Variants in BRCA1 observed in about 807,000 individuals in gnomAD.
The protein encoded by BRCA1 is breast cancer type 1 susceptibility protein.
In BRCA1, 140 loss-of-function variants were observed where a neutral mutation model predicts 173.7. The observed-to-expected ratio is 0.81, with a 90% CI of 0.70 to 0.93. BRCA1 has a LOEUF of 0.93. BRCA1 is among the 40% of genes least tolerant of loss of function. The probability of loss-of-function intolerance (pLI) is 0.00; values close to 1 mark genes in which losing one functional copy is unlikely to be tolerated. For missense variants in BRCA1, 1,983 were observed against 2,172.5 expected, an observed-to-expected ratio of 0.91 and a Z score of 1.73; for synonymous variants, 662 against 756.0, an observed-to-expected ratio of 0.88 and a Z score of 2.04.
Position 43,074,373 on chromosome 17 carries a change from G to A in BRCA1, c.4633C>T (p.His1545Tyr), listed in dbSNP as rs2153996148. Residue 1545 changes from histidine to tyrosine, a missense_variant, in exon 14 of 23, where the codon CAC becomes TAC. By Grantham distance (83) the His-to-Tyr change is moderately conservative. Transcript: ENST00000357654. ...EEQQLEESGP[H>Y]DLTETSYLPR... is the part of the protein sequence containing the mutation. ...AAGTAAGATGTTTCCGTCAAATCGT[G>A]TGGCCCAGACTCTTCCAGCTGTTGC... 6.2e-7 allele frequency: 1 copy of A among 1,614,114 alleles called. No homozygotes were observed. Among genetic ancestry groups the A allele is most frequent in the Non-Finnish European group, 8.5e-7 (1 of 1,179,996 alleles).
rs587780800 is a variant in BRCA1 at position 43,104,225 on chromosome 17, T to C, written c.338A>G (p.Asn113Ser). Reference sequence around the variant, plus strand: ...TTCATCTTTTAGATGTTCAGGAGAGTTATTTTCCTTTTTTGCAAAATTATA... The same window carrying C: ...TTCATCTTTTAGATGTTCAGGAGAGCTATTTTCCTTTTTTGCAAAATTATA... ...NSYNFAKKEN[N>S]SPEHLKDEVS... is the part of the protein sequence containing the mutation. Residue 113 changes from asparagine (N) to serine (S), a missense_variant, in exon 6 of 23, where the codon AAC (asparagine) becomes AGC (serine). Transcript: ENST00000357654. 2 of 1,612,856 alleles carry C rather than the reference T, an allele frequency of 1.2e-6. No individual in the cohort carries two copies. The highest frequency in any genetic ancestry group is 2.2e-5 in the South Asian group (2 of 90,982).
At chr17:43,162,150 C>A in intron 1 of BRCA1, 1 of 152,110 alleles carries the variant, frequency 6.6e-6, no homozygotes, top group Non-Finnish European at 1.5e-5. Context: ...CCATTTTTTT[C>A]CTTTCTGAAG....
At chr17:43,091,309 T>G (rs752171726) in intron 10 of BRCA1, 126 bp downstream of exon 10, 2 of 1,270,378 alleles carry the variant, frequency 1.6e-6, no homozygotes, top group Admixed American at 3.8e-5. Flanking sequence ...GGAACATGTT[T>G]CAAGTTTAAG....
At chr17:43,126,842 AGAGGCGGGTGTGGGAACTGGGGCT>A, upstream of BRCA1, among the ~76,000 whole-genome samples, 1 of 152,050 alleles carries the variant, frequency 6.6e-6, no homozygotes, top group Non-Finnish European at 1.5e-5. Flanking sequence ...GTGTGGAGGG[AGAGGCGGGTGTGGGAACTGGGGCT>A]GCGCGCAGCG....
At chr17:43,147,990 A>G (rs1160866276) in intron 1 of BRCA1, among the ~76,000 whole-genome samples, 1 of 152,174 alleles carries the variant, frequency 6.6e-6, no homozygotes, top group Non-Finnish European at 1.5e-5. Flanking sequence ...AGTTCCATCC[A>G]TTTCAGCTTT....
chr17:43,077,731 T>A (rs1262211772), intron 12 of BRCA1, among the ~76,000 whole-genome samples: 1 of 141,390 alleles, frequency 7.1e-6, no homozygotes, highest in Admixed American at 7.4e-5. Flanking sequence ...ATTTATTTAT[T>A]TTTATTTATT....
At chr17:43,095,090 C>G (rs11658946) in intron 9 of BRCA1, among the ~76,000 whole-genome samples, 1 of 137,354 alleles carries the variant, frequency 7.3e-6, no homozygotes, top group Non-Finnish European at 1.6e-5. Flanking sequence ...AGAATTTTCC[C>G]TATGCAGAAA....
intron 2 of BRCA1, among the ~76,000 whole-genome samples, chr17:43,118,612 AT>A (rs1402752060): frequency 2.0e-5 from 3 of 151,980 alleles, no homozygotes; most frequent in Non-Finnish European, 4.4e-5. Context: ...ATGTTAATTA[AT>A]TTTTGTAGAG....
In BRCA1 at chr17:43,104,232, C is replaced by G. The variant is rs1414264431; in HGVS notation, c.331G>C (p.Glu111Gln). The G allele has an allele frequency of 6.2e-7, 1 of 1,612,370 alleles. No homozygotes were observed. The highest frequency in any genetic ancestry group is 1.1e-5 in the South Asian group (1 of 90,952). The change falls in exon 6 of 23, where the codon GAA becomes CAA. Residue 111 changes from glutamate to glutamine, a missense_variant. Coordinates refer to ENST00000357654, the MANE Select transcript of BRCA1 (RefSeq NM_007294.4). ...YANSYNFAKK[E>Q]NNSPEHLKDE... ...TTTAGATGTTCAGGAGAGTTATTTTCCTTTTTTGCAAAATTATAGCTGTTT... is the reference window on the plus strand; with the variant it reads ...TTTAGATGTTCAGGAGAGTTATTTTGCTTTTTTGCAAAATTATAGCTGTTT...
intron 11 of BRCA1, among the ~76,000 whole-genome samples, chr17:43,083,449 C>A (rs1304647186): frequency 2.6e-5 from 4 of 152,138 alleles, no homozygotes; most frequent in Non-Finnish European, 5.9e-5. Flanking sequence ...CGCCATTGTG[C>A]CTGACCTGAA....
rs1060502331 is a variant in BRCA1, at chr17:43,106,468, T to G, written c.200A>C (p.Asp67Ala). Residue 67 changes from aspartate (D) to alanine (A), a missense_variant, in exon 4 of 23, where the codon GAT (aspartate) becomes GCT (alanine). Transcript: ENST00000357654. Reference sequence around the variant, plus strand: ...CCAAATTATATACCTTTTGGTTATATCATTCTTACATAAAGGACACTGTGA... The same window carrying G: ...CCAAATTATATACCTTTTGGTTATAGCATTCTTACATAAAGGACACTGTGA... The part of the protein sequence containing the change: ...GPSQCPLCKN[D>A]ITKRSLQEST... 6.3e-7 allele frequency: 1 copy of G among 1,596,672 alleles called. No individual in the cohort carries two copies. The highest frequency in any genetic ancestry group is 2.2e-5 in the East Asian group (1 of 44,698).
In BRCA1 at chr17:43,092,602, G is replaced by A. The variant is rs1064794043; in HGVS notation, c.2929C>T (p.Pro977Ser). ...GGAAAAAGTGGTGGTATACGATATGGGTTTTGTAAAAGTCCATGTTTATTT... is the reference window on the plus strand; with the variant it reads ...GGAAAAAGTGGTGGTATACGATATGAGTTTTGTAAAAGTCCATGTTTATTT... ...TPNKHGLLQN[P>S]YRIPPLFPIK... is the part of the protein sequence containing the mutation. The change falls in exon 10 of 23, where the codon CCA becomes TCA. Residue 977 changes from proline to serine, a missense_variant. Transcript: ENST00000357654. The A allele has an allele frequency of 6.2e-7, 1 of 1,613,902 alleles. No individual in the cohort carries two copies. The highest frequency in any genetic ancestry group is 1.1e-5 in the South Asian group (1 of 91,066).
At chr17:43,169,291 G>A (rs1227635262) in intron 1 of BRCA1, among the ~76,000 whole-genome samples, 1 of 152,136 alleles carries the variant, frequency 6.6e-6, no homozygotes, top group Admixed American at 6.5e-5. Context: ...CGATTCTCCT[G>A]CCTCAGCTCC....
chr17:43,164,827 T>G (rs2056257280), intron 1 of BRCA1: 1 of 152,216 alleles, frequency 6.6e-6, no homozygotes. Flanking sequence ...GGGTGGTACA[T>G]GTGCTAAAAG....
rs534880982 is a variant in BRCA1 at position 43,132,562 on chromosome 17, CT to C, written c.-19-8448del. On this transcript the variant is annotated intron_variant, in intron 1 of 7. Transcript: ENST00000634433. Reference sequence around the variant, plus strand: ...CGCCCCCGCCCAAGTTACTTAACCTCTTTTTTTTTTTTTCCTTTTTCTTTTT... The same window carrying C: ...CGCCCCCGCCCAAGTTACTTAACCTCTTTTTTTTTTTTCCTTTTTCTTTTT... 8.3e-3 allele frequency: 1,195 copies of C among 143,362 alleles called. 6 individuals carry two copies. Among genetic ancestry groups the C allele is most frequent in the Non-Finnish European group, 0.014 (893 of 64,984 alleles). The allele number at this position is 143,362 out of a possible 1,614,324, so 8.9% of individuals were successfully genotyped here.
At chr17:43,168,087 T>C in intron 1 of BRCA1, 1 of 228,880 alleles carries the variant, frequency 4.4e-6, no homozygotes, top group South Asian at 5.5e-5. Context: ...TTTCCTCCCT[T>C]CTATGTAAGG....
chr17:43,045,860 C>G (rs1413685016), intron 22 of BRCA1, 58 bp from the exon 23 acceptor site: 1 of 1,547,958 alleles, frequency 6.5e-7, no homozygotes, highest in African/African-American at 1.4e-5. Flanking sequence ...GGACTAGGCT[C>G]TAATCAATCG....
At position 43,091,751 on chromosome 17, in the gene BRCA1, TA is replaced by T. The variant is rs80357798; in HGVS notation, c.3779del (p.Leu1260TyrfsTer4). On this transcript the variant is annotated frameshift_variant, in exon 10 of 23. Coordinates refer to ENST00000357654, the MANE Select transcript of BRCA1 (RefSeq NM_007294.4). LOFTEE classifies it high-confidence loss of function. Reference sequence around the variant, plus strand: ...CATTTAAGCTATTCTTCAATGATAATAAATTCTCCTCTGTGTTCTTAGACAG... The same window carrying T: ...CATTTAAGCTATTCTTCAATGATAATAATTCTCCTCTGTGTTCTTAGACAG... ...ECLSKNTEEN[L>X]LSLKNSLNDC... is the part of the protein sequence containing the mutation. 2.5e-6 allele frequency: 4 copies of T among 1,614,222 alleles called. No individual in the cohort carries two copies. Among genetic ancestry groups the T allele is most frequent in the Non-Finnish European group, 3.4e-6 (4 of 1,180,026 alleles).
chr17:43,144,798 T>A, intron 1 of BRCA1: 1 of 382,772 alleles, frequency 2.6e-6, no homozygotes, highest in Non-Finnish European at 5.0e-6. Flanking sequence ...AGGCAGGTGG[T>A]TCATCTAAGG....
Sources: allele counts gnomAD v4.1 joint callset (sites outside exome capture counted in the v4.1 genomes callset), GRCh38; gene constraint gnomAD v4.1.1; transcripts MANE v1.5; gene names NCBI Gene and HGNC (gene_info 2026-07-23, HGNC 2026-07-21).